Variants in TMCO5A observed in about 807,000 individuals in gnomAD.
TMCO5A encodes transmembrane and coiled-coil domains 5A, also known as transmembrane and coiled-coil domain-containing protein 5A.
A neutral mutation model predicts 42.3 loss-of-function variants in TMCO5A; 34 were observed. The observed-to-expected ratio is 0.80, with a 90% CI of 0.61 to 1.07. TMCO5A has a LOEUF of 1.07. Ranked by LOEUF, TMCO5A falls within the 50% of genes least tolerant of loss-of-function variation. The pLI, the probability that TMCO5A is intolerant of heterozygous loss-of-function variation, is 0.00. For missense variants in TMCO5A, 357 were observed against 327.9 expected (o/e 1.09, Z -0.69); for synonymous variants, 131 against 115.6 (o/e 1.13, Z -0.86).
chr15:37,987,213 G>A, the TMCO5A span, among the ~76,000 whole-genome samples: 1 of 152,012 alleles, frequency 6.6e-6, no homozygotes, highest in Admixed American at 6.6e-5. Flanking sequence ...CGTCTTTGAA[G>A]CAATGTCTAT....
At chr15:38,033,136 G>A in the TMCO5A span, among the ~76,000 whole-genome samples, 4,551 of 152,002 alleles carry the variant, frequency 0.03, 248 homozygotes, top group African/African-American at 0.1. Flanking sequence ...CACCGTGTTA[G>A]CCAGGATGGT....
At chr15:37,984,103 A>G in the TMCO5A span, among the ~76,000 whole-genome samples, 1 of 152,198 alleles carries the variant, frequency 6.6e-6, no homozygotes, top group Admixed American at 6.5e-5. Context: ...CTTCTGGGGA[A>G]ATAAAGCTTC....
At chr15:38,015,032 C>T in the TMCO5A span, among the ~76,000 whole-genome samples, 9 of 151,422 alleles carry the variant, frequency 5.9e-5, no homozygotes, top group African/African-American at 2.2e-4. Flanking sequence ...CAGGAAGCAT[C>T]CAGTATGAGA....
downstream of TMCO5A, among the ~76,000 whole-genome samples, chr15:37,955,956 C>A (rs1307306027): frequency 3.3e-5 from 5 of 152,162 alleles, no homozygotes; most frequent in Non-Finnish European, 7.3e-5. Flanking sequence ...CAAAGCCACA[C>A]AACTACACGG....
chr15:37,946,315 C>G (rs1889953558), intron 10 of TMCO5A, among the ~76,000 whole-genome samples: 1 of 152,076 alleles, frequency 6.6e-6, no homozygotes, highest in Non-Finnish European at 1.5e-5. Context: ...TAGCTTTGTT[C>G]TTTTTGCTTA....
downstream of TMCO5A, among the ~76,000 whole-genome samples, chr15:37,968,404 T>G (rs1395639232): frequency 6.6e-6 from 1 of 152,036 alleles, no homozygotes; most frequent in East Asian, 1.9e-4. Context: ...AGCTCCAAGG[T>G]GCACACCTTT....
At chr15:38,013,208 C>T in the TMCO5A span, among the ~76,000 whole-genome samples, 1 of 152,144 alleles carries the variant, frequency 6.6e-6, no homozygotes, top group African/African-American at 2.4e-5. Flanking sequence ...GCTAAGATCA[C>T]AAAGAAGCCA....
chr15:37,943,119 G>A (rs1889809738), intron 9 of TMCO5A: 1 of 399,664 alleles, frequency 2.5e-6, no homozygotes, highest in East Asian at 4.4e-5. Flanking sequence ...GTGCTAGTTA[G>A]TAGGTAAAAC....
chr15:37,976,958 G>C, the TMCO5A span, among the ~76,000 whole-genome samples: 2 of 151,672 alleles, frequency 1.3e-5, no homozygotes, highest in Non-Finnish European at 2.9e-5. Context: ...TTTTAATACA[G>C]ACAGGGTTTC....
chr15:37,983,246 A>T, the TMCO5A span, among the ~76,000 whole-genome samples: 1 of 152,192 alleles, frequency 6.6e-6, no homozygotes, highest in African/African-American at 2.4e-5. Flanking sequence ...ACTTCACTTT[A>T]GTGCTTCATG....
At chr15:37,982,628 A>G in the TMCO5A span, among the ~76,000 whole-genome samples, 1 of 105,118 alleles carries the variant, frequency 9.5e-6, no homozygotes, top group African/African-American at 4.5e-5. Context: ...ATTATATCTA[A>G]CATATAATAT....
rs548886552 is a variant in TMCO5A at position 37,963,748 on chromosome 15, A to G, written c.669-2877A>G. Among the ~76,000 whole-genome samples the G allele has an allele frequency of 2.0e-5, 3 of 152,216 alleles. No individual in the cohort carries two copies. In the East Asian group the frequency reaches 5.8e-4, roughly 29 times the overall value. ...TATGGAGCTCCAATGTTAGGTGCATATATGTTTAGGATTGTGATATTTTCC... is the reference window on the plus strand; with the variant it reads ...TATGGAGCTCCAATGTTAGGTGCATGTATGTTTAGGATTGTGATATTTTCC... On this transcript the variant is annotated intron_variant, in intron 11 of 11. Transcript: ENST00000559502.
intron 11 of TMCO5A, among the ~76,000 whole-genome samples, chr15:37,957,075 T>C (rs550248654): frequency 6.6e-6 from 1 of 152,260 alleles, no homozygotes; most frequent in South Asian, 2.1e-4. Flanking sequence ...AAACTAGGTA[T>C]TGATGGAACA....
chr15:37,952,337 A>G (rs996136105), downstream of TMCO5A, among the ~76,000 whole-genome samples: 4 of 151,648 alleles, frequency 2.6e-5, no homozygotes, highest in Non-Finnish European at 1.5e-5. Context: ...CTCAAGGAGG[A>G]CTCAAGTTGG....
downstream of TMCO5A, among the ~76,000 whole-genome samples, chr15:37,954,432 A>G (rs2140801095): frequency 6.6e-6 from 1 of 152,276 alleles, no homozygotes; most frequent in East Asian, 1.9e-4. Context: ...ATAAACATTT[A>G]TCCTGCAATA....
the TMCO5A span, chr15:37,993,415 G>A: frequency 6.6e-6 from 1 of 151,894 alleles, no homozygotes; most frequent in African/African-American, 2.4e-5. Flanking sequence ...GTCTGCGAGG[G>A]ATGAGCCTGA....
At chr15:37,997,408 T>C in the TMCO5A span, among the ~76,000 whole-genome samples, 1 of 152,154 alleles carries the variant, frequency 6.6e-6, no homozygotes, top group Non-Finnish European at 1.5e-5. Context: ...AGTAAAAAGG[T>C]TTTTTCCCAT....
the TMCO5A span, among the ~76,000 whole-genome samples, chr15:37,991,087 G>A: frequency 6.6e-6 from 1 of 152,078 alleles, no homozygotes; most frequent in Non-Finnish European, 1.5e-5. Context: ...TTTTAAAAAT[G>A]TTAGTCTCTT....
Position 37,951,334 on chromosome 15 carries a change from T to C in TMCO5A, c.*100T>C. 1.6e-6 allele frequency: 2 copies of C among 1,220,790 alleles called. No homozygotes were observed. Among genetic ancestry groups the C allele is most frequent in the Non-Finnish European group, 1.2e-6 (1 of 859,132 alleles). 75.6% of individuals were successfully genotyped at this position (1,220,790 alleles called of 1,614,324 possible). A position where few individuals can be genotyped will look rare whatever the true frequency, so the allele number is the denominator to read the frequency against. ...GGAGGAAAGAGATTTGCTTCAGTTT[T>C]TTCCTCACCGTTTGCCTGCTTGACT... is the stretch of plus-strand genomic sequence containing the variant. On this transcript the variant is annotated 3_prime_UTR_variant, in exon 12 of 12. Transcript: ENST00000319669.
Sources: gnomAD v4.1 joint callset for allele counts (sites outside exome capture counted in the v4.1 genomes callset) on GRCh38, gnomAD v4.1.1 for gene constraint, MANE v1.5 for transcripts, NCBI Gene and HGNC (gene_info 2026-07-23, HGNC 2026-07-21) for gene names.